The following DCPS variants were observed in gnomAD, a reference collection of about 807,000 sequenced individuals.
The protein encoded by DCPS is decapping enzyme, scavenger, also known as m7GpppX diphosphatase.
Under a neutral mutation model 34.7 loss-of-function variants are expected in DCPS, and 27 were observed. The ratio of observed to expected loss-of-function variants is 0.78; its 90% CI spans 0.57 to 1.07. DCPS has a LOEUF of 1.07. Ranked by LOEUF, DCPS falls within the 50% of genes least tolerant of loss-of-function variation. The pLI is 0.00. For synonymous variants in DCPS, 185 were observed against 185.7 expected (o/e 1.00, Z 0.03); for missense variants, 464 against 436.9 (o/e 1.06, Z -0.55).
At position 126,342,806 on chromosome 11, in the gene DCPS, G is replaced by A. The variant is rs960670740; in HGVS notation, c.637-501G>A. On this transcript the variant is annotated intron_variant, in intron 4 of 5. Transcript: ENST00000263579. The surrounding 1 kb of genome is among the most constrained non-coding windows in gnomAD (Gnocchi z 4.4). ...GAGCATATAGAACTCTCTGCTGGGCGCGGTGGCTCACGCCTGTAATCCCAG... is the reference window on the plus strand; with the variant it reads ...GAGCATATAGAACTCTCTGCTGGGCACGGTGGCTCACGCCTGTAATCCCAG... Among the ~76,000 whole-genome samples the A allele has an allele frequency of 2.0e-5, 3 of 152,128 alleles. No individual in the cohort carries two copies. Among genetic ancestry groups the A allele is most frequent in the Non-Finnish European group, 2.9e-5 (2 of 68,016 alleles).
At position 126,343,362 on chromosome 11, in the gene DCPS, G is replaced by A. The variant is rs771666044; in HGVS notation, c.692G>A (p.Arg231His). Residue 231 changes from arginine to histidine, a missense_variant, in exon 5 of 6, where the codon CGC becomes CAC. Physicochemically the swap from Arg to His is conservative, Grantham distance 29. Coordinates refer to ENST00000263579, the MANE Select transcript of DCPS (RefSeq NM_014026.6). ...CATCGCCGGGGCATCAGATCCCTACGCGACCTTACTCCGGAGCACTTGCCG... is the reference window on the plus strand; with the variant it reads ...CATCGCCGGGGCATCAGATCCCTACACGACCTTACTCCGGAGCACTTGCCG... ...ICHRRGIRSLRDLTPEHLPLL... is the reference protein window; with the variant it reads ...ICHRRGIRSLHDLTPEHLPLL... 1.4e-5 allele frequency: 23 copies of A among 1,613,972 alleles called. No homozygotes were observed. Among genetic ancestry groups the A allele is most frequent in the East Asian group, 2.2e-5 (1 of 44,866 alleles).
At position 126,329,362 on chromosome 11, in the gene DCPS, T is replaced by A. The variant is rs1249210613; in HGVS notation, c.377-2043T>A. On this transcript the variant is annotated intron_variant, in intron 2 of 5. Transcript: ENST00000263579. This position sits in a 1 kb window ranked among gnomAD's most constrained non-coding sequence, Gnocchi z 5.0. ...ACACGTTTTATTGAATGTAAACAAC[T>A]CTGTGAGGCAGATTTGATGACCACC... is the stretch of plus-strand genomic sequence containing the variant. Among the ~76,000 whole-genome samples the A allele has an allele frequency of 6.6e-6, 1 of 152,206 alleles. No homozygotes were observed. The highest frequency in any genetic ancestry group is 1.5e-5 in the Non-Finnish European group (1 of 68,040).
At chr11:126,339,052 C>T (rs1951856880) in intron 4 of DCPS, among the ~76,000 whole-genome samples, 1 of 152,248 alleles carries the variant, frequency 6.6e-6, no homozygotes, top group African/African-American at 2.4e-5. Flanking sequence ...CACTTACCAC[C>T]ACCTCTTTTA....
At position 126,348,924 on chromosome 11, in the gene DCPS, A is replaced by T. The variant is rs768383210; in HGVS notation, c.*3311A>T. Among the ~76,000 whole-genome samples the T allele has an allele frequency of 2.1e-4, 32 of 152,318 alleles. No homozygotes were observed. Among genetic ancestry groups the T allele is most frequent in the Admixed American group, 3.3e-4 (5 of 15,304 alleles). On this transcript the variant is annotated 3_prime_UTR_variant, in exon 6 of 6. Coordinates refer to ENST00000263579, the MANE Select transcript of DCPS (RefSeq NM_014026.6). The surrounding 1 kb of genome is among the most constrained non-coding windows in gnomAD (Gnocchi z 5.3). ...GGCTCAGGATGTCTTGTCCAGCATT[A>T]TGGAGTGAACGTCAGCTCCAGGAAG... is the stretch of plus-strand genomic sequence containing the variant.
chr11:126,324,388 C>A (rs1951726311), intron 2 of DCPS, among the ~76,000 whole-genome samples: 1 of 151,744 alleles, frequency 6.6e-6, no homozygotes, highest in African/African-American at 2.4e-5. Flanking sequence ...TAATGCCACA[C>A]TAAAGTTTGA....
In DCPS at chr11:126,304,345, A is replaced by G. The variant is rs1951545883; in HGVS notation, c.201+64A>G. 5 of 1,579,258 alleles carry G rather than the reference A, an allele frequency of 3.2e-6. No homozygotes were observed. In the South Asian group the frequency reaches 4.6e-5, roughly 15 times the overall value. On this transcript the variant is annotated intron_variant, in intron 1 of 5. Transcript: ENST00000263579. ...GTGAACCAATCATCGCCTCGGAGGCAGATTTTTTTTTTTCGGATCTCGGCT... is the reference window on the plus strand; with the variant it reads ...GTGAACCAATCATCGCCTCGGAGGCGGATTTTTTTTTTTCGGATCTCGGCT...
At position 126,309,730 on chromosome 11, in the gene DCPS, C is replaced by T. The variant is rs575637397; in HGVS notation, c.376+2986C>T. ...GGTTTGCTTCAGGGCCCGGTTGCTC[C>T]CTTGTTTAGCTGCATAGCTTTTCCC... On this transcript the variant is annotated intron_variant, in intron 2 of 5. Transcript: ENST00000263579. 6.6e-5 allele frequency among the ~76,000 whole-genome samples: 10 copies of T among 152,260 alleles called. No individual in the cohort carries two copies. In the East Asian group the frequency reaches 1.5e-3, roughly 24 times the overall value.
In DCPS at chr11:126,336,543, C is replaced by G. The variant is rs1951833633; in HGVS notation, c.523-1743C>G. The G allele has an allele frequency of 6.6e-6, 1 of 152,250 alleles. No individual in the cohort carries two copies. Among genetic ancestry groups the G allele is most frequent in the Non-Finnish European group, 1.5e-5 (1 of 68,052 alleles). The allele number at this position is 152,250 out of a possible 1,614,324, so 9.4% of individuals were successfully genotyped here. On this transcript the variant is annotated intron_variant, in intron 3 of 5. Coordinates refer to ENST00000263579, the MANE Select transcript of DCPS (RefSeq NM_014026.6). This position sits in a 1 kb window ranked among gnomAD's most constrained non-coding sequence, Gnocchi z 6.3. ...CCTTGGCTCAGAACCTGTTCACTCT[C>G]ACTCTTATACTAGTCACAGGCAGAT... is the stretch of plus-strand genomic sequence containing the variant.
At chr11:126,309,564 C>CT (rs565370718) in intron 2 of DCPS, among the ~76,000 whole-genome samples, 2 of 152,160 alleles carry the variant, frequency 1.3e-5, no homozygotes, top group South Asian at 4.2e-4. Context: ...CAATGTCCTT[C>CT]TTTTTTTAAG....
Position 126,304,202 on chromosome 11 carries a change from G to T in DCPS, c.122G>T (p.Arg41Leu). 1 of 1,614,252 alleles carries T rather than the reference G, an allele frequency of 6.2e-7. No homozygotes were observed. The highest frequency in any genetic ancestry group is 8.5e-7 in the Non-Finnish European group (1 of 1,180,044). Residue 41 changes from arginine (R) to leucine (L), a missense_variant, in exon 1 of 6, where the codon CGC (arginine) becomes CTC (leucine). Coordinates refer to ENST00000263579, the MANE Select transcript of DCPS (RefSeq NM_014026.6). ...GGAAATGGTACCTGTGCTCCTGTCC[G>T]CTTACCGTTCTCCGGCTTCAGACTG... is the stretch of plus-strand genomic sequence containing the variant. Reference protein sequence around the residue: ...GVGNGTCAPVRLPFSGFRLQK... With the variant: ...GVGNGTCAPVLLPFSGFRLQK...
intron 4 of DCPS, among the ~76,000 whole-genome samples, chr11:126,339,481 C>T (rs557224061): frequency 2.0e-5 from 3 of 152,306 alleles, no homozygotes; most frequent in South Asian, 4.1e-4. Flanking sequence ...GATTGTGGCT[C>T]AGGGTTACAC....
rs1211447409 is a variant in DCPS at position 126,347,666 on chromosome 11, C to CTTGG, written c.*2054_*2057dup. Among the ~76,000 whole-genome samples, 4 of 152,210 alleles carry CTTGG rather than the reference C, an allele frequency of 2.6e-5. No individual in the cohort carries two copies. In the East Asian group the frequency reaches 7.7e-4, roughly 29 times the overall value. On this transcript the variant is annotated 3_prime_UTR_variant, in exon 6 of 6. Transcript: ENST00000263579. The surrounding 1 kb of genome is among the most constrained non-coding windows in gnomAD (Gnocchi z 4.2). The stretch of plus-strand genomic sequence containing the variant: ...CCACCACACATCTGACTGACTCCTT[C>CTTGG]TTGGGCTAAGCAAATACTTTTGTGG...
rs578155796 is a variant in DCPS, at chr11:126,328,313, T to C, written c.377-3092T>C. On this transcript the variant is annotated intron_variant, in intron 2 of 5. Transcript: ENST00000263579. The surrounding 1 kb of genome is among the most constrained non-coding windows in gnomAD (Gnocchi z 6.6). ...GGCAGCTCCCACCTCAGTGTGGCCC[T>C]GACTGAGGCTTTCGGTGGAGACCTG... 6.6e-6 allele frequency among the ~76,000 whole-genome samples: 1 copy of C among 152,096 alleles called. No individual in the cohort carries two copies. Among genetic ancestry groups the C allele is most frequent in the Non-Finnish European group, 1.5e-5 (1 of 67,964 alleles).
In DCPS at chr11:126,304,127, A is replaced by C. The variant is rs553765784; in HGVS notation, c.47A>C (p.Asp16Ala). 53 of 1,613,938 alleles carry C rather than the reference A, an allele frequency of 3.3e-5. No homozygotes were observed. In the South Asian group the frequency reaches 3.6e-4, roughly 11 times the overall value. Residue 16 changes from aspartate to alanine, a missense_variant, in exon 1 of 6, where the codon GAC becomes GCC. Physicochemically the swap from Asp to Ala is moderately radical, Grantham distance 126. Coordinates refer to ENST00000263579, the MANE Select transcript of DCPS (RefSeq NM_014026.6). ...PQLGKRKREL[D>A]VEEAHAASTE... ...CTAGGCAAGAGGAAGCGCGAATTGGACGTGGAGGAGGCCCACGCCGCCAGC... is the reference window on the plus strand; with the variant it reads ...CTAGGCAAGAGGAAGCGCGAATTGGCCGTGGAGGAGGCCCACGCCGCCAGC...
intron 2 of DCPS, among the ~76,000 whole-genome samples, chr11:126,317,387 A>G (rs149473489): frequency 1.4e-5 from 2 of 145,118 alleles, no homozygotes; most frequent in East Asian, 2.0e-4. Context: ...TTTCATTCTC[A>G]TAGCATTTTG....
At position 126,348,976 on chromosome 11, in the gene DCPS, A is replaced by G. The variant is rs1308283116; in HGVS notation, c.*3363A>G. Among the ~76,000 whole-genome samples, 2 of 152,166 alleles carry G rather than the reference A, an allele frequency of 1.3e-5. No individual in the cohort carries two copies. Among genetic ancestry groups the G allele is most frequent in the African/African-American group, 4.8e-5 (2 of 41,438 alleles). On this transcript the variant is annotated 3_prime_UTR_variant, in exon 6 of 6. Coordinates refer to ENST00000263579, the MANE Select transcript of DCPS (RefSeq NM_014026.6). The surrounding 1 kb of genome is among the most constrained non-coding windows in gnomAD (Gnocchi z 5.3). ...AGAGACTTCTGGCCCTTTGTTCACCATTTCCCCAGAACCTAGGGTGGTGAC... is the reference window on the plus strand; with the variant it reads ...AGAGACTTCTGGCCCTTTGTTCACCGTTTCCCCAGAACCTAGGGTGGTGAC...
intron 2 of DCPS, among the ~76,000 whole-genome samples, chr11:126,317,181 G>A (rs1392597293): frequency 2.6e-5 from 4 of 151,094 alleles, no homozygotes; most frequent in Non-Finnish European, 2.9e-5. Context: ...GGATGGTCTC[G>A]ATCTCCTGAC....
Position 126,345,704 on chromosome 11 carries a change from A to G in DCPS, c.*91A>G, listed in dbSNP as rs1951919838. 2 of 1,534,836 alleles carry G rather than the reference A, an allele frequency of 1.3e-6. No individual in the cohort carries two copies. The highest frequency in any genetic ancestry group is 2.3e-5 in the East Asian group (1 of 44,292). ...CTCCAAGTGAATTTTCTAAAAATGT[A>G]TTTTATACCGGCTTATTCCTAGTAT... On this transcript the variant is annotated 3_prime_UTR_variant, in exon 6 of 6. Transcript: ENST00000263579. This position sits in a 1 kb window ranked among gnomAD's most constrained non-coding sequence, Gnocchi z 7.4.
In DCPS at chr11:126,340,084, C is replaced by T. The variant is rs144287375; in HGVS notation, c.636+1685C>T. ...GAAGCCCTGAATGCATTTGAGCCCACGGCAGAGAAGAGAAATCTGCCGTCC... is the reference window on the plus strand; with the variant it reads ...GAAGCCCTGAATGCATTTGAGCCCATGGCAGAGAAGAGAAATCTGCCGTCC... On this transcript the variant is annotated intron_variant, in intron 4 of 5. Coordinates refer to ENST00000263579, the MANE Select transcript of DCPS (RefSeq NM_014026.6). Among the ~76,000 whole-genome samples, 1,003 of 152,304 alleles carry T rather than the reference C, an allele frequency of 6.6e-3. 4 individuals carry two copies. Among genetic ancestry groups the T allele is most frequent in the Middle Eastern group, 0.017 (5 of 294 alleles).
Sources: gnomAD v4.1 joint callset for allele counts (sites outside exome capture counted in the v4.1 genomes callset) on GRCh38, gnomAD v4.1.1 for gene constraint, Gnocchi (gnomAD v3.1) non-coding constraint, MANE v1.5 for transcripts, NCBI Gene and HGNC (gene_info 2026-07-23, HGNC 2026-07-21) for gene names.